The following RANBP2 variants were observed in gnomAD, a reference collection of about 807,000 sequenced individuals.
RANBP2 encodes E3 SUMO-protein ligase RanBP2.
RANBP2 carries 57 observed loss-of-function variants against 303.6 expected under a neutral mutation model. That is an observed-to-expected ratio of 0.19 (90% CI 0.15 to 0.23). RANBP2 has a LOEUF of 0.23. Among genes scored for constraint, RANBP2 ranks in the 10% least tolerant of loss-of-function variants. The pLI, the probability that RANBP2 is intolerant of heterozygous loss-of-function variation, is 1.00. For missense variants in RANBP2, 3,138 were observed against 3,780.8 expected, an observed-to-expected ratio of 0.83 and a Z score of 4.46; for synonymous variants, 1,167 against 1,301.5, an observed-to-expected ratio of 0.90 and a Z score of 2.23.
the RANBP2 span, among the ~76,000 whole-genome samples, chr2:109,267,290 G>A: frequency 5.3e-5 from 8 of 152,116 alleles, no homozygotes; most frequent in African/African-American, 1.9e-4. Flanking sequence ...TCTGTGGGAG[G>A]TCATGGCTGG....
At chr2:109,351,225 T>C in the RANBP2 span, among the ~76,000 whole-genome samples, 1 of 152,190 alleles carries the variant, frequency 6.6e-6, no homozygotes, top group Admixed American at 6.5e-5. Flanking sequence ...CCTCCACACG[T>C]GCTGGGCCAG....
rs201797861 is a variant in RANBP2, at chr2:108,764,672, T to C, written c.4133T>C (p.Leu1378Pro). ...TAKKCVSCQN[L>P]NPSNKELVGP... ...AAGAAATGTGTATCATGCCAAAATC[T>C]AAACCCAAGCAATAAAGAGCTCGTT... Residue 1378 changes from leucine (L) to proline (P), a missense_variant, in exon 20 of 29, where the codon CTA (leucine) becomes CCA (proline). Transcript: ENST00000283195. 78 of 1,613,928 alleles carry C rather than the reference T, an allele frequency of 4.8e-5. 1 individual carries two copies. The highest frequency in any genetic ancestry group is 1.0e-5 in the Non-Finnish European group (12 of 1,179,968).
At chr2:108,845,571 ATTT>A in the RANBP2 span, among the ~76,000 whole-genome samples, 17 of 111,698 alleles carry the variant, frequency 1.5e-4, no homozygotes, top group Non-Finnish European at 1.3e-4. Flanking sequence ...CTTTCATTTG[ATTT>A]TTTTTTTTTT....
At chr2:109,376,361 G>T in the RANBP2 span, among the ~76,000 whole-genome samples, 1 of 152,204 alleles carries the variant, frequency 6.6e-6, no homozygotes, top group Non-Finnish European at 1.5e-5. Flanking sequence ...GTCAGGAAAG[G>T]AATCAGCTCG....
the RANBP2 span, among the ~76,000 whole-genome samples, chr2:109,160,506 G>C: frequency 6.6e-6 from 1 of 152,340 alleles, no homozygotes; most frequent in Admixed American, 6.5e-5. Flanking sequence ...CAGGGAGAAC[G>C]TGTGAGGACT....
chr2:108,773,803 C>T (rs892246096), intron 23 of RANBP2, among the ~76,000 whole-genome samples: 12 of 152,118 alleles, frequency 7.9e-5, no homozygotes, highest in East Asian at 5.8e-4. Context: ...TGCGCCACCA[C>T]GCCCAGCTAA....
chr2:109,131,283 C>G, the RANBP2 span, among the ~76,000 whole-genome samples: 1 of 151,982 alleles, frequency 6.6e-6, no homozygotes, highest in African/African-American at 2.4e-5. Flanking sequence ...AGAATGGGGA[C>G]AGTCAAGGAT....
chr2:108,789,244 C>T (rs1392056705), downstream of RANBP2, among the ~76,000 whole-genome samples: 1 of 152,148 alleles, frequency 6.6e-6, no homozygotes, highest in East Asian at 1.9e-4. Flanking sequence ...TATGGTTATT[C>T]ATTCAGGACC....
the RANBP2 span, among the ~76,000 whole-genome samples, chr2:109,472,042 C>T: frequency 5.9e-5 from 9 of 152,304 alleles, no homozygotes; most frequent in East Asian, 3.9e-4. Context: ...ACAGTGTGCA[C>T]CTGGATTCTG....
the RANBP2 span, among the ~76,000 whole-genome samples, chr2:109,454,549 A>G: frequency 2.6e-5 from 4 of 152,148 alleles, no homozygotes; most frequent in Non-Finnish European, 4.4e-5. Flanking sequence ...ACTTCTGTGG[A>G]GCCCTCTCCT....
chr2:108,834,021 C>T, the RANBP2 span, among the ~76,000 whole-genome samples: 4 of 147,500 alleles, frequency 2.7e-5, no homozygotes, highest in Non-Finnish European at 3.0e-5. Context: ...GCTGGGATTA[C>T]AGGCGTGAGC....
At chr2:109,060,991 C>T in the RANBP2 span, among the ~76,000 whole-genome samples, 1 of 152,064 alleles carries the variant, frequency 6.6e-6, no homozygotes, top group South Asian at 2.1e-4. Flanking sequence ...GGTTACAGGA[C>T]ATCCTTCTAG....
the RANBP2 span, among the ~76,000 whole-genome samples, chr2:109,296,914 G>A: frequency 6.6e-6 from 1 of 152,178 alleles, no homozygotes; most frequent in African/African-American, 2.4e-5. Context: ...CAGGAGTGTG[G>A]ATTGGGCTGC....
the RANBP2 span, among the ~76,000 whole-genome samples, chr2:108,954,926 C>T: frequency 6.6e-6 from 1 of 152,080 alleles, no homozygotes; most frequent in Non-Finnish European, 1.5e-5. Context: ...TCAGGTGATC[C>T]GTCTGCCTCA....
chr2:108,866,827 G>T, the RANBP2 span, among the ~76,000 whole-genome samples: 102 of 151,752 alleles, frequency 6.7e-4, no homozygotes, highest in African/African-American at 2.4e-3. Context: ...AGTTTGCAGT[G>T]AGCCGAGATC....
the RANBP2 span, chr2:109,593,058 T>A: frequency 3.1e-6 from 5 of 1,593,600 alleles, no homozygotes; most frequent in South Asian, 5.8e-5. Flanking sequence ...CACTATCTGT[T>A]CATCATCTGA....
At chr2:108,936,838 A>AAGC in the RANBP2 span, among the ~76,000 whole-genome samples, 1 of 152,194 alleles carries the variant, frequency 6.6e-6, no homozygotes, top group Admixed American at 6.5e-5. Flanking sequence ...AGCAGGAGGA[A>AAGC]AGCAGAGAAG....
the RANBP2 span, among the ~76,000 whole-genome samples, chr2:109,367,294 A>G: frequency 7.0e-6 from 1 of 143,148 alleles, no homozygotes; most frequent in African/African-American, 2.6e-5. Context: ...TTTTATTTTT[A>G]TTTTTAGATG....
intron 7 of RANBP2, among the ~76,000 whole-genome samples, chr2:108,744,495 A>G (rs1696358894): frequency 6.6e-6 from 1 of 152,194 alleles, no homozygotes; most frequent in African/African-American, 2.4e-5. Flanking sequence ...CTGTTGAATA[A>G]TTTTGTAAAA....
Sources: allele counts gnomAD v4.1 joint callset (sites outside exome capture counted in the v4.1 genomes callset), GRCh38; gene constraint gnomAD v4.1.1; transcripts MANE v1.5; gene names NCBI Gene and HGNC (gene_info 2026-07-23, HGNC 2026-07-21).